The following IMMP2L variants were observed in gnomAD, a reference collection of about 807,000 sequenced individuals.
The protein encoded by IMMP2L is inner mitochondrial membrane peptidase subunit 2, also known as mitochondrial inner membrane protease subunit 2.
A neutral mutation model predicts 19.3 loss-of-function variants in IMMP2L; 18 were observed. The observed-to-expected ratio is 0.93, with a 90% CI of 0.64 to 1.38. The LOEUF (loss-of-function observed/expected upper bound fraction) is 1.38, where lower values mean the gene tolerates loss of function less well. Ranked by LOEUF, IMMP2L falls within the 40% of genes most tolerant of loss-of-function variation. The pLI is 0.00. For synonymous variants in IMMP2L, 76 were observed against 73.0 expected, an observed-to-expected ratio of 1.04 and a Z score of -0.21; for missense variants, 233 against 218.2, an observed-to-expected ratio of 1.07 and a Z score of -0.43.
At chr7:111,493,575 G>T (rs1182412295) in intron 2 of IMMP2L, among the ~76,000 whole-genome samples, 3 of 151,860 alleles carry the variant, frequency 2.0e-5, no homozygotes, top group South Asian at 2.1e-4. Context: ...CGTGGGGGCG[G>T]GCGCCTGTAG....
At chr7:110,806,874 G>GA (rs921238751) in intron 5 of IMMP2L, among the ~76,000 whole-genome samples, 5 of 151,934 alleles carry the variant, frequency 3.3e-5, no homozygotes, top group African/African-American at 9.7e-5. Context: ...AAAAGCATTT[G>GA]AAAAACAGTT....
At chr7:111,308,736 G>A (rs1475716958) in intron 3 of IMMP2L, among the ~76,000 whole-genome samples, 1 of 151,760 alleles carries the variant, frequency 6.6e-6, no homozygotes, top group Non-Finnish European at 1.5e-5. Context: ...AAATTTTGGG[G>A]GAAAAAAAGA....
intron 3 of IMMP2L, among the ~76,000 whole-genome samples, chr7:111,304,708 GTGTGTGTGT>G (rs1230998503): frequency 6.7e-6 from 1 of 149,544 alleles, no homozygotes; most frequent in African/African-American, 2.5e-5. Context: ...GTGTGTGTGT[GTGTGTGTGT>G]GGTGTATCCT....
chr7:110,935,447 A>G (rs1016505697), intron 4 of IMMP2L, among the ~76,000 whole-genome samples: 6 of 151,870 alleles, frequency 4.0e-5, no homozygotes, highest in African/African-American at 1.5e-4. Context: ...CTTTTGTTCA[A>G]TTTTGGTGAA....
At chr7:110,777,229 C>A (rs761465820) in intron 5 of IMMP2L, among the ~76,000 whole-genome samples, 11 of 151,964 alleles carry the variant, frequency 7.2e-5, no homozygotes, top group African/African-American at 1.2e-4. Context: ...CCCAGCTCGG[C>A]AGGTGTGCCT....
At chr7:111,552,062 T>C (rs1790731709) in intron 1 of IMMP2L, among the ~76,000 whole-genome samples, 2 of 152,116 alleles carry the variant, frequency 1.3e-5, no homozygotes, top group African/African-American at 2.4e-5. Flanking sequence ...TTTTCTCCCA[T>C]TCAATGTACT....
Position 110,727,387 on chromosome 7 carries a change from T to C in IMMP2L, c.409-63666A>G, listed in dbSNP as rs528974495. On this transcript the variant is annotated intron_variant, in intron 5 of 5. Transcript: ENST00000405709. The surrounding 1 kb of genome is among the most constrained non-coding windows in gnomAD (Gnocchi z 4.3). ...GCCTGGATGACAGAGTGAGACTCTG[T>C]CTCTAAATAAATAAATAAATAAATA... 4.8e-5 allele frequency among the ~76,000 whole-genome samples: 6 copies of C among 125,868 alleles called. No individual in the cohort carries two copies. The South Asian group carries it at 1.5e-3, about 32-fold the overall frequency. The allele number at this position is 125,868 out of a possible 152,430, so 82.6% of individuals were successfully genotyped here.
At chr7:111,542,077 CA>C (rs1448118205) in intron 1 of IMMP2L, among the ~76,000 whole-genome samples, 1 of 151,992 alleles carries the variant, frequency 6.6e-6, no homozygotes, top group African/African-American at 2.4e-5. Context: ...ATATTAACCT[CA>C]GTACAAATAT....
At chr7:111,030,301 T>C (rs1384255061) in intron 3 of IMMP2L, among the ~76,000 whole-genome samples, 1 of 152,180 alleles carries the variant, frequency 6.6e-6, no homozygotes, top group African/African-American at 2.4e-5. Context: ...CTATAATATG[T>C]GCTAAAAACT....
rs573396251 is a variant in IMMP2L, at chr7:111,410,693, T to C, written c.239+76545A>G. The stretch of plus-strand genomic sequence containing the variant: ...TAAGATTAAAGACTTAAAGGAAATA[T>C]GAACATAACGAGAAGACAAAGAGAA... On this transcript the variant is annotated intron_variant, in intron 3 of 5. Coordinates refer to ENST00000405709, the MANE Select transcript of IMMP2L (RefSeq NM_032549.4). Among the ~76,000 whole-genome samples the C allele has an allele frequency of 2.0e-5, 3 of 151,766 alleles. No homozygotes were observed. The South Asian group carries it at 6.2e-4, about 32-fold the overall frequency.
intron 3 of IMMP2L, chr7:111,411,491 T>C: frequency 2.2e-6 from 1 of 455,558 alleles, no homozygotes; most frequent in Non-Finnish European, 4.4e-6. Flanking sequence ...CGGCATGGGC[T>C]GTATTGACAT....
At chr7:111,193,390 C>T (rs547796308) in intron 3 of IMMP2L, among the ~76,000 whole-genome samples, 21 of 151,750 alleles carry the variant, frequency 1.4e-4, no homozygotes, top group African/African-American at 2.2e-4. Flanking sequence ...ATCTTAAAGG[C>T]GCAATAAAAA....
chr7:110,676,340 A>G (rs1584473914), intron 5 of IMMP2L, among the ~76,000 whole-genome samples: 1 of 152,250 alleles, frequency 6.6e-6, no homozygotes, highest in Non-Finnish European at 1.5e-5. Flanking sequence ...GTTAGCGAAT[A>G]TAACATTTGT....
intron 3 of IMMP2L, among the ~76,000 whole-genome samples, chr7:110,998,366 A>G (rs1452462998): frequency 6.6e-6 from 1 of 152,168 alleles, no homozygotes; most frequent in Admixed American, 6.6e-5. Flanking sequence ...AAGGCTTGTG[A>G]GGACCATACT....
Position 111,281,214 on chromosome 7 carries a change from GAAAA to G in IMMP2L, c.239+206020_239+206023del, listed in dbSNP as rs376187303. On this transcript the variant is annotated intron_variant, in intron 3 of 5. Transcript: ENST00000405709. ...AGAAAGAAAGAAAGAAAGAAAGAAA[GAAAA>G]AGAAAGAAAGAAAGAAAGAAAGAAA... Among the ~76,000 whole-genome samples, 125 of 30,802 alleles carry G rather than the reference GAAAA, an allele frequency of 4.1e-3. 2 individuals are homozygous for G. Among genetic ancestry groups the G allele is most frequent in the East Asian group, 0.025 (33 of 1,320 alleles). The allele number at this position is 30,802 out of a possible 152,430, so 20.2% of individuals were successfully genotyped here.
intron 5 of IMMP2L, among the ~76,000 whole-genome samples, chr7:110,779,809 G>A (rs1025542429): frequency 6.6e-6 from 1 of 151,738 alleles, no homozygotes; most frequent in Non-Finnish European, 1.5e-5. Context: ...CCATCCATGT[G>A]CCATGCTGAT....
intron 3 of IMMP2L, among the ~76,000 whole-genome samples, chr7:111,019,794 A>C (rs10276691): frequency 0.65 from 98,647 of 151,734 alleles, 32,506 homozygotes; most frequent in African/African-American, 0.71. Flanking sequence ...TGTTTATTAT[A>C]CCCAGAAAAA....
chr7:110,869,866 G>C (rs1808368167), intron 5 of IMMP2L, among the ~76,000 whole-genome samples: 1 of 152,100 alleles, frequency 6.6e-6, no homozygotes, highest in Admixed American at 6.6e-5. Flanking sequence ...TTCCCATGGA[G>C]ATAGTTTTAC....
chr7:110,695,757 A>T (rs922754794), intron 5 of IMMP2L, among the ~76,000 whole-genome samples: 1 of 152,080 alleles, frequency 6.6e-6, no homozygotes, highest in African/African-American at 2.4e-5. Context: ...CACCAAAGCA[A>T]CAGAATTCTG....
Sources: allele counts gnomAD v4.1 joint callset (sites outside exome capture counted in the v4.1 genomes callset), GRCh38; gene constraint gnomAD v4.1.1; non-coding constraint Gnocchi (gnomAD v3.1); transcripts MANE v1.5; gene names NCBI Gene and HGNC (gene_info 2026-07-23, HGNC 2026-07-21).